Variants in LRRC74B observed in about 807,000 individuals in gnomAD.
LRRC74B encodes leucine-rich repeat-containing protein 74B.
A neutral mutation model predicts 16.6 loss-of-function variants in LRRC74B; 30 were observed. That is an observed-to-expected ratio of 1.80 (90% CI 1.35 to 2.45). The LOEUF (loss-of-function observed/expected upper bound fraction) is 2.45. Ranked by LOEUF, LRRC74B falls within the 30% of genes most tolerant of loss-of-function variation. The pLI is 0.00. For missense variants in LRRC74B, 326 were observed against 202.4 expected (o/e 1.61, Z -3.71); for synonymous variants, 134 against 86.0 (o/e 1.56, Z -3.09).
In LRRC74B at chr22:21,056,872, GGT is replaced by G. The variant is rs1196250115; in HGVS notation, c.928-228_928-227del. ...CAGCAGGCAAGTTCTTAAAGGCAAG[GGT>G]GTGTCTTGTGTGTCTATATCAATCG... is the stretch of plus-strand genomic sequence containing the variant. On this transcript the variant is annotated intron_variant, in intron 7 of 8. Coordinates refer to ENST00000442047, the Ensembl canonical transcript of LRRC74B. 7.8e-6 allele frequency: 4 copies of G among 510,536 alleles called. No homozygotes were observed. In the African/African-American group the frequency reaches 7.9e-5, roughly 10 times the overall value. The allele number at this position is 510,536 out of a possible 1,614,324, so 31.6% of individuals were successfully genotyped here. A position where few individuals can be genotyped will look rare whatever the true frequency, so the allele number is the denominator to read the frequency against.
downstream of LRRC74B, chr22:21,062,120 G>C (rs370359884): frequency 1.3e-5 from 2 of 152,146 alleles, no homozygotes; most frequent in South Asian, 2.1e-4. Flanking sequence ...ATCACGTGTC[G>C]CATGACCGCA....
exon 6 of LRRC74B, chr22:21,053,443 G>A (rs933941055): frequency 2.8e-6 from 2 of 717,170 alleles, no homozygotes; most frequent in Non-Finnish European, 5.2e-6. Flanking sequence ...AGGCTCTGAA[G>A]GCCAACAACG....
chr22:21,062,443 G>A (rs535937320), downstream of LRRC74B: 12 of 152,256 alleles, frequency 7.9e-5, no homozygotes, highest in African/African-American at 2.2e-4. Context: ...GGCCAGGCGC[G>A]GTGGCTCACG....
chr22:21,047,495 C>T, exon 2 of LRRC74B: 1 of 717,380 alleles, frequency 1.4e-6, no homozygotes, highest in East Asian at 2.7e-5. Context: ...GCCTGGGGCC[C>T]CAGGTACCAC....
At chr22:21,054,275 T>C (rs1930305718) in intron 6 of LRRC74B, among the ~76,000 whole-genome samples, 2 of 152,182 alleles carry the variant, frequency 1.3e-5, no homozygotes, top group South Asian at 2.1e-4. Context: ...CAGGCTGCAT[T>C]GCAACAGAGC....
intron 8 of LRRC74B, among the ~76,000 whole-genome samples, chr22:21,057,722 G>A: frequency 7.1e-6 from 1 of 140,414 alleles, no homozygotes; most frequent in Non-Finnish European, 1.5e-5. Context: ...GGCTCAAGTG[G>A]TTCTCCTGTC....
chr22:21,047,900 CT>C lies in LRRC74B; in HGVS notation c.301del (p.Ser101ProfsTer3). 1.4e-6 allele frequency: 1 copy of C among 717,422 alleles called. No homozygotes were observed. The highest frequency in any genetic ancestry group is 1.5e-5 in the South Asian group (1 of 67,598). The allele number at this position is 717,422 out of a possible 1,614,324, so 44.4% of individuals were successfully genotyped here. A position where few individuals can be genotyped will look rare whatever the true frequency, so the allele number is the denominator to read the frequency against. ...CTGTCCCAGGGCGCCCGGGCTCTGG[CT>C]TCCTCATTGAGCTCCAATCCATATG... On this transcript the variant is annotated frameshift_variant, in exon 3 of 9. Coordinates refer to ENST00000442047, the Ensembl canonical transcript of LRRC74B. LOFTEE classifies it high-confidence loss of function.
At chr22:21,056,501 CAAA>C (rs58229327) in intron 7 of LRRC74B, 8 of 114,386 alleles carry the variant, frequency 7.0e-5, no homozygotes, top group African/African-American at 1.3e-4. Context: ...GACTCTGTCT[CAAA>C]AAAAAAAAAA....
At chr22:21,050,270 T>C (rs1929903601) in intron 4 of LRRC74B, among the ~76,000 whole-genome samples, 1 of 151,824 alleles carries the variant, frequency 6.6e-6, no homozygotes, top group Non-Finnish European at 1.5e-5. Context: ...CTCCTGACCT[T>C]GTGATCCGCC....
intron 4 of LRRC74B, among the ~76,000 whole-genome samples, chr22:21,050,523 A>G (rs974431544): frequency 6.6e-6 from 1 of 151,644 alleles, no homozygotes; most frequent in Non-Finnish European, 1.5e-5. Context: ...TCACGCCTGT[A>G]ATCCCAGCAC....
chr22:21,057,086 T>C lies in LRRC74B; in HGVS notation c.928-19T>C, dbSNP rs1396282075. The C allele has an allele frequency of 2.8e-6, 2 of 717,042 alleles. No individual in the cohort carries two copies. The highest frequency in any genetic ancestry group is 1.5e-5 in the South Asian group (1 of 67,548). The allele number at this position is 717,042 out of a possible 1,614,324, so 44.4% of individuals were successfully genotyped here. A position where few individuals can be genotyped will look rare whatever the true frequency, so the allele number is the denominator to read the frequency against. On this transcript the variant is annotated intron_variant, in intron 7 of 8. Transcript: ENST00000442047. ...TTCCCGGACCTGGCTTCTCGCAGCT[T>C]TGTGTGCGTGTTTCTCAGGTGTCCA...
At chr22:21,060,926 TATC>T (rs1227571156), downstream of LRRC74B, among the ~76,000 whole-genome samples, 6 of 152,208 alleles carry the variant, frequency 3.9e-5, no homozygotes, top group South Asian at 1.2e-3. Flanking sequence ...GAAGGCAGTT[TATC>T]ATCATGCACT....
At chr22:21,063,109 A>G (rs1930891853), downstream of LRRC74B, 2 of 151,832 alleles carry the variant, frequency 1.3e-5, no homozygotes, top group East Asian at 1.9e-4. Flanking sequence ...CCTACAAGGG[A>G]CGCTGAGGCA....
chr22:21,057,001 T>A (rs1311119987), intron 7 of LRRC74B, 104 bp from the exon 8 acceptor site: 1 of 657,206 alleles, frequency 1.5e-6, no homozygotes, highest in Non-Finnish European at 2.8e-6. Flanking sequence ...AGTGTGGCCA[T>A]AGTGGCTGTG....
At chr22:21,051,772 T>TC (rs1290881262) in intron 4 of LRRC74B, among the ~76,000 whole-genome samples, 19 of 152,116 alleles carry the variant, frequency 1.2e-4, no homozygotes, top group Admixed American at 3.3e-4. Flanking sequence ...CTCACTGGCT[T>TC]CCCCCTCCCC....
rs1002264403 is a variant in LRRC74B, at chr22:21,047,348, C to A, written c.140-8C>A. ...AGGGTCCACATTCGTCCCCCTGTCT[C>A]CTGCCAGGCACCGATGGGCTTGGAG... On this transcript the variant is annotated splice_polypyrimidine_tract_variant and splice_region_variant and intron_variant, in intron 1 of 8. Coordinates refer to ENST00000442047, the Ensembl canonical transcript of LRRC74B. The A allele has an allele frequency of 7.0e-6, 5 of 716,828 alleles. No homozygotes were observed. In the East Asian group the frequency reaches 1.1e-4, roughly 15 times the overall value. 44.4% of individuals were successfully genotyped at this position (716,828 alleles called of 1,614,324 possible). A position where few individuals can be genotyped will look rare whatever the true frequency, so the allele number is the denominator to read the frequency against.
At chr22:21,050,777 CAAAAAAAAAAA>C (rs71188205) in intron 4 of LRRC74B, among the ~76,000 whole-genome samples, 6 of 104,180 alleles carry the variant, frequency 5.8e-5, no homozygotes, top group Non-Finnish European at 1.1e-4. Context: ...GACTCTGTCT[CAAAAAAAAAAA>C]AAAAAAAAAA....
At chr22:21,047,465 G>T (rs1259632189) in exon 2 of LRRC74B, 1 of 717,510 alleles carries the variant, frequency 1.4e-6, no homozygotes, top group Admixed American at 2.0e-5. Context: ...GCGCCCAAGA[G>T]CTGAACCTCC....
Position 21,047,342 on chromosome 22 carries a change from C to A in LRRC74B, c.140-14C>A, listed in dbSNP as rs529532760. 2.8e-6 allele frequency: 2 copies of A among 716,486 alleles called. No individual in the cohort carries two copies. Among genetic ancestry groups the A allele is most frequent in the Admixed American group, 4.0e-5 (2 of 49,948 alleles). 44.4% of individuals were successfully genotyped at this position (716,486 alleles called of 1,614,324 possible). A position where few individuals can be genotyped will look rare whatever the true frequency, so the allele number is the denominator to read the frequency against. On this transcript the variant is annotated splice_polypyrimidine_tract_variant and intron_variant, in intron 1 of 8. Transcript: ENST00000442047. ...CTGTGCAGGGTCCACATTCGTCCCC[C>A]TGTCTCCTGCCAGGCACCGATGGGC... is the stretch of plus-strand genomic sequence containing the variant.
Sources: gnomAD v4.1 joint callset for allele counts (sites outside exome capture counted in the v4.1 genomes callset) on GRCh38, gnomAD v4.1.1 for gene constraint, MANE v1.5 for transcripts, NCBI Gene and HGNC (gene_info 2026-07-23, HGNC 2026-07-21) for gene names.